CA13: variants seen among roughly 807,000 people sequenced by gnomAD.
CA13 encodes CA-XIII.
Under a neutral mutation model 31.5 loss-of-function variants are expected in CA13, and 21 were observed. That is an observed-to-expected ratio of 0.67 (90% CI 0.47 to 0.96). The LOEUF is 0.96. Ranked by LOEUF, CA13 falls within the 40% of genes least tolerant of loss-of-function variation. The pLI, the probability that CA13 is intolerant of heterozygous loss-of-function variation, is 0.00. For missense variants in CA13, 315 were observed against 318.9 expected (o/e 0.99, Z 0.09); for synonymous variants, 117 against 111.4 (o/e 1.05, Z -0.32).
intron 3 of CA13, among the ~76,000 whole-genome samples, chr8:85,262,643 T>C (rs138125165): frequency 1.4e-3 from 219 of 152,264 alleles, no homozygotes; most frequent in African/African-American, 5.2e-3. Flanking sequence ...AGGCTTTCCA[T>C]TGGGAAGTGG....
intron 2 of CA13, among the ~76,000 whole-genome samples, chr8:85,256,500 G>A (rs1396406711): frequency 6.6e-6 from 1 of 152,110 alleles, no homozygotes; most frequent in African/African-American, 2.4e-5. Context: ...CCATTATCTA[G>A]TTCTAGGTAA....
Position 85,281,928 on chromosome 8 carries a change from G to C in CA13, c.*579G>C, listed in dbSNP as rs1807715032. ...CCATGAAATATGTCTACTTCAACCT[G>C]TGTGAAAATATAGTTAACATTGCAA... is the stretch of plus-strand genomic sequence containing the variant. On this transcript the variant is annotated 3_prime_UTR_variant, in exon 7 of 7. Coordinates refer to ENST00000321764, the MANE Select transcript of CA13 (RefSeq NM_198584.3). 1 of 152,110 alleles carries C rather than the reference G, an allele frequency of 6.6e-6. No homozygotes were observed. The highest frequency in any genetic ancestry group is 2.4e-5 in the African/African-American group (1 of 41,428). The allele number at this position is 152,110 out of a possible 1,614,324, so 9.4% of individuals were successfully genotyped here.
At chr8:85,271,078 A>G (rs1358422376) in intron 6 of CA13, among the ~76,000 whole-genome samples, 2 of 152,222 alleles carry the variant, frequency 1.3e-5, no homozygotes, top group Admixed American at 6.5e-5. Flanking sequence ...TTGAGTAACA[A>G]TTCAATTTAT....
chr8:85,246,047 G>A (rs1198803589), intron 1 of CA13, among the ~76,000 whole-genome samples, 182 bp downstream of exon 1: 1 of 152,242 alleles, frequency 6.6e-6, no homozygotes, highest in East Asian at 1.9e-4. Context: ...TCTTGTCAGG[G>A]TAGACGGGTT....
At chr8:85,277,318 C>A (rs930560097) in intron 6 of CA13, among the ~76,000 whole-genome samples, 21 of 152,004 alleles carry the variant, frequency 1.4e-4, no homozygotes, top group South Asian at 6.3e-4. Context: ...CCGGGAGGAG[C>A]GAACAACTCC....
intron 2 of CA13, among the ~76,000 whole-genome samples, chr8:85,255,824 C>T (rs1807284953): frequency 1.3e-5 from 2 of 152,306 alleles, no homozygotes; most frequent in South Asian, 4.1e-4. Context: ...GGGAACCTCA[C>T]CTGAGGCCCT....
intron 6 of CA13, among the ~76,000 whole-genome samples, chr8:85,269,714 T>C (rs751246032): frequency 6.6e-6 from 1 of 152,054 alleles, no homozygotes; most frequent in African/African-American, 2.4e-5. Flanking sequence ...AGGCCAAGAG[T>C]CTGCTAGACT....
chr8:85,251,457 T>G (rs1156857119), intron 2 of CA13, among the ~76,000 whole-genome samples: 1 of 152,250 alleles, frequency 6.6e-6, no homozygotes, highest in African/African-American at 2.4e-5. Context: ...GAAAAGGATA[T>G]GTTGCATGAT....
intron 6 of CA13, among the ~76,000 whole-genome samples, chr8:85,272,731 C>G (rs192309780): frequency 6.6e-6 from 1 of 152,296 alleles, no homozygotes; most frequent in Non-Finnish European, 1.5e-5. Context: ...TGTGTGGACA[C>G]ATTTTTATGT....
intron 3 of CA13, among the ~76,000 whole-genome samples, chr8:85,261,015 CAT>C (rs1159798385): frequency 6.6e-6 from 1 of 152,198 alleles, no homozygotes; most frequent in Non-Finnish European, 1.5e-5. Context: ...GTCCTCCTGA[CAT>C]ATGTCAGAGG....
chr8:85,260,769 T>C (rs191409971), intron 3 of CA13, among the ~76,000 whole-genome samples: 16 of 152,364 alleles, frequency 1.1e-4, no homozygotes, highest in African/African-American at 3.6e-4. Flanking sequence ...ATAGTTTTCA[T>C]GTTTGCTTTC....
At chr8:85,255,293 C>T (rs2129959102) in intron 2 of CA13, among the ~76,000 whole-genome samples, 1 of 150,620 alleles carries the variant, frequency 6.6e-6, no homozygotes, top group Middle Eastern at 3.4e-3. Context: ...GACAAGATCT[C>T]ACTCTGTCAC....
chr8:85,252,597 C>T (rs1807210418), intron 2 of CA13, among the ~76,000 whole-genome samples: 1 of 152,136 alleles, frequency 6.6e-6, no homozygotes, highest in African/African-American at 2.4e-5. Context: ...TTCAGACTAT[C>T]TACTGCCCAA....
intron 3 of CA13, among the ~76,000 whole-genome samples, chr8:85,261,311 TAAGAC>T (rs1476798220): frequency 6.6e-6 from 1 of 152,072 alleles, no homozygotes; most frequent in Non-Finnish European, 1.5e-5. Flanking sequence ...CAATTCATGT[TAAGAC>T]ACCTAAGTAT....
chr8:85,259,214 G>A (rs1336867303), intron 2 of CA13, among the ~76,000 whole-genome samples: 1 of 152,186 alleles, frequency 6.6e-6, no homozygotes, highest in Non-Finnish European at 1.5e-5. Context: ...AATCTGTATT[G>A]TGGATGCTTT....
intron 1 of CA13, among the ~76,000 whole-genome samples, chr8:85,246,784 G>A (rs1239485653): frequency 6.6e-6 from 1 of 152,020 alleles, no homozygotes; most frequent in Admixed American, 6.6e-5. Context: ...ATTCCTCAAT[G>A]TGCATATATT....
intron 2 of CA13, among the ~76,000 whole-genome samples, chr8:85,258,624 G>A (rs1402946824): frequency 6.6e-6 from 1 of 151,818 alleles, no homozygotes. Context: ...TTTTACACTT[G>A]GAAGATAAAG....
intron 6 of CA13, among the ~76,000 whole-genome samples, chr8:85,273,939 G>A (rs780082397): frequency 6.6e-6 from 1 of 151,882 alleles, no homozygotes; most frequent in Non-Finnish European, 1.5e-5. Context: ...ATAGTCTCCT[G>A]TAAACAAGAA....
intron 6 of CA13, among the ~76,000 whole-genome samples, chr8:85,279,441 C>T (rs148491139): frequency 8.5e-5 from 13 of 152,246 alleles, no homozygotes; most frequent in Admixed American, 8.5e-4. Flanking sequence ...TTGTGAGACC[C>T]AGTTATAAGG....
Sources: allele counts gnomAD v4.1 joint callset (sites outside exome capture counted in the v4.1 genomes callset), GRCh38; gene constraint gnomAD v4.1.1; transcripts MANE v1.5; gene names NCBI Gene and HGNC (gene_info 2026-07-23, HGNC 2026-07-21).